SP110: variants seen among roughly 807,000 people sequenced by gnomAD.
SP110 encodes SP110 nuclear body protein, also known as interferon-induced protein 41, 30kD.
Under a neutral mutation model 92.7 loss-of-function variants are expected in SP110, and 62 were observed. The observed-to-expected ratio is 0.67, with a 90% CI of 0.55 to 0.83. The LOEUF is 0.83. Among genes scored for constraint, SP110 ranks in the 40% least tolerant of loss-of-function variants. SP110 has a pLI of 0.00. For missense variants in SP110, 793 were observed against 863.9 expected, an observed-to-expected ratio of 0.92 and a Z score of 1.03; for synonymous variants, 273 against 305.3, an observed-to-expected ratio of 0.89 and a Z score of 1.10.
upstream of SP110, among the ~76,000 whole-genome samples, chr2:230,224,297 A>G (rs2046062593): frequency 6.6e-6 from 1 of 152,120 alleles, no homozygotes; most frequent in Non-Finnish European, 1.5e-5. Context: ...GGGCAGAGAG[A>G]AGAGAGAGAG....
Position 230,168,958 on chromosome 2 carries a change from A to G in SP110, c.*166T>C, listed in dbSNP as rs1320123185. On this transcript the variant is annotated 3_prime_UTR_variant, in exon 19 of 19. Transcript: ENST00000258381. ...GTGTAGATATAGACTTTTAAAGGTA[A>G]AAAGAAAGAATAAAGATGGAGGGTG... 9.3e-6 allele frequency: 6 copies of G among 643,906 alleles called. No homozygotes were observed. The allele number at this position is 643,906 out of a possible 1,614,324, so 39.9% of individuals were successfully genotyped here.
chr2:230,219,996 C>T (rs201838369), upstream of SP110: 5 of 985,572 alleles, frequency 5.1e-6, no homozygotes, highest in Non-Finnish European at 6.0e-6. Flanking sequence ...CTTTGACAAA[C>T]GCAGTAAGGG....
At position 230,211,710 on chromosome 2, in the gene SP110, A is replaced by C. The variant is rs1367412459; in HGVS notation, c.668-157T>G. 1.3e-5 allele frequency among the ~76,000 whole-genome samples: 2 copies of C among 152,150 alleles called. No individual in the cohort carries two copies. The highest frequency in any genetic ancestry group is 2.9e-5 in the Non-Finnish European group (2 of 68,026). ...GCATAGAGTGGGAAAGTAAGCAACC[A>C]TTCACTCTCAATTAGCCACTTGTTC... On this transcript the variant is annotated intron_variant, in intron 5 of 18. Coordinates refer to ENST00000258381, the MANE Select transcript of SP110 (RefSeq NM_080424.4). The surrounding 1 kb of genome is among the most constrained non-coding windows in gnomAD (Gnocchi z 4.2).
chr2:230,205,654 G>A (rs959430036), intron 8 of SP110, among the ~76,000 whole-genome samples: 2 of 152,122 alleles, frequency 1.3e-5, no homozygotes, highest in African/African-American at 2.4e-5. Context: ...AGTGCTCACT[G>A]CATATTTGTT....
upstream of SP110, among the ~76,000 whole-genome samples, chr2:230,222,220 A>AT (rs994605006): frequency 8.8e-5 from 13 of 147,670 alleles, no homozygotes; most frequent in African/African-American, 3.0e-4. Flanking sequence ...ACAGAGTGAG[A>AT]TCCCGCCTCA....
At chr2:230,206,595 T>TTATATATATATA (rs56817002) in intron 8 of SP110, among the ~76,000 whole-genome samples, 1,566 of 69,838 alleles carry the variant, frequency 0.022, 96 homozygotes, top group East Asian at 0.032. Context: ...GGTCCAGATT[T>TTATATATATATA]TATATATATA....
chr2:230,192,774 A>G (rs2042695372), intron 10 of SP110, among the ~76,000 whole-genome samples: 1 of 152,190 alleles, frequency 6.6e-6, no homozygotes, highest in African/African-American at 2.4e-5. Context: ...ATTTATTGAG[A>G]CTTGTTTTGT....
At chr2:230,217,487 TAA>T (rs758065716) in intron 1 of SP110, among the ~76,000 whole-genome samples, 7 of 152,050 alleles carry the variant, frequency 4.6e-5, no homozygotes, top group Non-Finnish European at 8.8e-5. Flanking sequence ...CAGGTAAACA[TAA>T]GGAAGGTATT....
chr2:230,197,488 T>C (rs2042933647), intron 10 of SP110, among the ~76,000 whole-genome samples: 2 of 149,104 alleles, frequency 1.3e-5, no homozygotes, highest in South Asian at 4.3e-4. Flanking sequence ...TCCCATTTTG[T>C]AGGTTGCCTG....
chr2:230,214,224 G>A (rs1014620250), intron 3 of SP110: 5 of 151,686 alleles, frequency 3.3e-5, no homozygotes, highest in African/African-American at 7.3e-5. Flanking sequence ...CTTTCTCTAC[G>A]TACTTCATGA....
chr2:230,174,042 A>C (rs1419651227), intron 14 of SP110: 1 of 152,202 alleles, frequency 6.6e-6, no homozygotes, highest in African/African-American at 2.4e-5. Context: ...TCTTTCAGCA[A>C]ATTCATTTGA....
chr2:230,217,812 G>T (rs2045389691), intron 1 of SP110, among the ~76,000 whole-genome samples: 1 of 152,218 alleles, frequency 6.6e-6, no homozygotes, highest in South Asian at 2.1e-4. Flanking sequence ...AACTAGCAAT[G>T]CTCATGCAAC....
chr2:230,188,316 G>A (rs893375036), intron 10 of SP110, among the ~76,000 whole-genome samples: 4 of 152,082 alleles, frequency 2.6e-5, no homozygotes, highest in African/African-American at 9.7e-5. Flanking sequence ...GTATAGCAGT[G>A]CTAATTTGTG....
chr2:230,195,538 C>T (rs181579343), intron 10 of SP110, among the ~76,000 whole-genome samples: 44 of 152,216 alleles, frequency 2.9e-4, no homozygotes, highest in African/African-American at 9.9e-4. Context: ...CCATGTTGGC[C>T]AGGCTGGTCT....
intron 15 of SP110, 65 bp downstream of exon 15, chr2:230,172,779 A>T: frequency 9.1e-7 from 1 of 1,102,908 alleles, no homozygotes; most frequent in Non-Finnish European, 1.4e-6. Context: ...CGACGCTCAC[A>T]GGTCCTGCCC....
At chr2:230,176,468 C>G in intron 14 of SP110, 1 of 1,453,916 alleles carries the variant, frequency 6.9e-7, no homozygotes, top group East Asian at 2.5e-5. Flanking sequence ...AACACATGGA[C>G]ATGATGAGCT....
intron 1 of SP110, chr2:230,225,520 A>G: frequency 2.4e-6 from 1 of 408,562 alleles, no homozygotes; most frequent in Non-Finnish European, 4.6e-6. Context: ...CTTCCTCCTC[A>G]TGATGCCACC....
Position 230,214,974 on chromosome 2 carries a change from T to C in SP110, c.292A>G (p.Thr98Ala), listed in dbSNP as rs1418890245. 1.2e-6 allele frequency: 2 copies of C among 1,614,090 alleles called. No individual in the cohort carries two copies. Among genetic ancestry groups the C allele is most frequent in the Admixed American group, 1.7e-5 (1 of 60,026 alleles). ...INLREYPNLV[T>A]IYRSFKRVGA... Reference sequence around the variant, plus strand: ...CCACGTTTGAAGCTTCTGTAAATCGTCACCAGATTGGGATATTCACGCAGG... The same window carrying C: ...CCACGTTTGAAGCTTCTGTAAATCGCCACCAGATTGGGATATTCACGCAGG... Residue 98 changes from threonine (T) to alanine (A), a missense_variant, in exon 3 of 19, where the codon ACG becomes GCG. Transcript: ENST00000258381.
intron 1 of SP110, 65 bp from the exon 2 acceptor site, chr2:230,216,993 C>A: frequency 6.8e-7 from 1 of 1,480,350 alleles, no homozygotes; most frequent in South Asian, 1.2e-5. Context: ...TGCCTGTAAT[C>A]CCGGCACTTT....
Sources: allele counts gnomAD v4.1 joint callset (sites outside exome capture counted in the v4.1 genomes callset), GRCh38; gene constraint gnomAD v4.1.1; non-coding constraint Gnocchi (gnomAD v3.1); transcripts MANE v1.5; gene names NCBI Gene and HGNC (gene_info 2026-07-23, HGNC 2026-07-21).